VWA3A: variants seen among roughly 807,000 people sequenced by gnomAD.
The protein encoded by VWA3A is von Willebrand factor A domain containing 3A.
Under a neutral mutation model 160.4 loss-of-function variants are expected in VWA3A, and 134 were observed. That is an observed-to-expected ratio of 0.84 (90% CI 0.73 to 0.96). The LOEUF is 0.96. Among genes scored for constraint, VWA3A ranks in the 40% least tolerant of loss-of-function variants. The probability of loss-of-function intolerance (pLI) is 0.00; values close to 1 mark genes in which losing one functional copy is unlikely to be tolerated. For synonymous variants in VWA3A, 476 were observed against 543.4 expected, an observed-to-expected ratio of 0.88 and a Z score of 1.72; for missense variants, 1,310 against 1,447.9, an observed-to-expected ratio of 0.90 and a Z score of 1.55.
chr16:22,100,150 C>G, intron 3 of VWA3A, 44 bp from the exon 4 acceptor site: 1 of 1,503,704 alleles, frequency 6.7e-7, no homozygotes, highest in Admixed American at 2.3e-5. Flanking sequence ...TCTTCCTTCC[C>G]TCTCTTTCCA....
intron 6 of VWA3A, among the ~76,000 whole-genome samples, chr16:22,103,818 C>T (rs1000597121): frequency 2.6e-5 from 4 of 152,160 alleles, no homozygotes; most frequent in African/African-American, 9.7e-5. Context: ...AGGAACTTCA[C>T]TTCCTGTTCC....
chr16:22,121,727 C>T, intron 14 of VWA3A, 110 bp downstream of exon 14: 1 of 816,842 alleles, frequency 1.2e-6, no homozygotes, highest in South Asian at 1.6e-5. Context: ...TTCAGGCTTC[C>T]CACCCAGGAC....
intron 11 of VWA3A, among the ~76,000 whole-genome samples, chr16:22,118,627 C>A (rs534273938): frequency 6.6e-6 from 1 of 151,556 alleles, no homozygotes; most frequent in African/African-American, 2.4e-5. Flanking sequence ...CGGAGCTTGC[C>A]GTGAGCCGAT....
At chr16:22,116,531 C>T (rs947481389) in intron 9 of VWA3A, among the ~76,000 whole-genome samples, 2 of 152,142 alleles carry the variant, frequency 1.3e-5, no homozygotes, top group Admixed American at 6.5e-5. Flanking sequence ...ACTCTTCACA[C>T]ACACACGAGG....
intron 17 of VWA3A, 101 bp from the exon 18 acceptor site, chr16:22,131,104 A>T (rs2045938396): frequency 9.7e-7 from 1 of 1,026,256 alleles, no homozygotes; most frequent in East Asian, 2.6e-5. Flanking sequence ...AGGGGATCTC[A>T]TCAGAATTTT....
intron 7 of VWA3A, 21 bp downstream of exon 7, chr16:22,109,601 G>A (rs2045526036): frequency 6.2e-7 from 1 of 1,604,276 alleles, no homozygotes. Flanking sequence ...CTGGCACAGA[G>A]AAACACCTGG....
chr16:22,097,657 T>C lies in VWA3A; in HGVS notation c.187T>C (p.Leu63=), dbSNP rs1307097727. ...ACTTGGGCAAAATTCGGACAATGGA[T>C]TATTGGTTACACATGTTAACCAGAC... is the stretch of plus-strand genomic sequence containing the variant. ...NGLGQNSDNG[L]LVTHVNQTQD... Residue 63 remains leucine (L), a synonymous_variant, in exon 3 of 34, where the codon TTA becomes CTA. Transcript: ENST00000389398. 2 of 1,551,714 alleles carry C rather than the reference T, an allele frequency of 1.3e-6. No homozygotes were observed. Among genetic ancestry groups the C allele is most frequent in the South Asian group, 2.4e-5 (2 of 84,052 alleles).
chr16:22,098,696 T>C (rs187667260), intron 3 of VWA3A, among the ~76,000 whole-genome samples: 2 of 152,218 alleles, frequency 1.3e-5, no homozygotes, highest in East Asian at 3.9e-4. Context: ...TAGTGTATCT[T>C]CAAGTATGAA....
At chr16:22,100,857 A>G (rs1407902749) in intron 5 of VWA3A, among the ~76,000 whole-genome samples, 1 of 147,622 alleles carries the variant, frequency 6.8e-6, no homozygotes, top group Non-Finnish European at 1.5e-5. Context: ...AAAAAAAAAG[A>G]AAGGAAAAAG....
At position 22,144,294 on chromosome 16, in the gene VWA3A, A is replaced by T; in HGVS notation, c.2640A>T (p.Arg880Ser). The T allele has an allele frequency of 1.2e-6, 2 of 1,613,736 alleles. No individual in the cohort carries two copies. Among genetic ancestry groups the T allele is most frequent in the Non-Finnish European group, 1.7e-6 (2 of 1,179,806 alleles). Residue 880 changes from arginine (R) to serine (S), a missense_variant, in exon 26 of 34, where the codon AGA becomes AGT. Transcript: ENST00000389398. ...AAAAATTGAAGCTGGAGATTTCCAG[A>T]TGCATGGGTCCCAACTGCACTCATC... ...GLKKLKLEIS[R>S]CMGPNCTHQK... is the part of the protein sequence containing the mutation.
At chr16:22,106,680 G>T (rs1201062561) in intron 6 of VWA3A, among the ~76,000 whole-genome samples, 5 of 152,166 alleles carry the variant, frequency 3.3e-5, no homozygotes. Flanking sequence ...AAAGCTGAGG[G>T]CTTTAATAAA....
Position 22,103,476 on chromosome 16 carries a change from A to G in VWA3A, c.430A>G (p.Thr144Ala), listed in dbSNP as rs1227405017. ...IRHFESKLSDTIEVYQERIQW... is the reference protein window; with the variant it reads ...IRHFESKLSDAIEVYQERIQW... ...TGAGTCTTTCTGATGTCTTGACAGC[A>G]CTATTGAAGTCTATCAAGAGAGAAT... The change falls in exon 6 of 34, where the codon ACT (threonine) becomes GCT (alanine). Residue 144 changes from threonine to alanine, a missense_variant and splice_region_variant. By Grantham distance (58) the Thr-to-Ala change is moderately conservative. Transcript: ENST00000389398. 1.9e-6 allele frequency: 3 copies of G among 1,551,636 alleles called. No individual in the cohort carries two copies. The highest frequency in any genetic ancestry group is 2.0e-5 in the Admixed American group (1 of 50,978).
chr16:22,148,091 G>A, intron 27 of VWA3A, 71 bp from the exon 28 acceptor site: 1 of 1,491,288 alleles, frequency 6.7e-7, no homozygotes, highest in Non-Finnish European at 8.9e-7. Flanking sequence ...GATAGATAGA[G>A]TGAGGGAAAC....
intron 29 of VWA3A, 130 bp downstream of exon 29, chr16:22,150,061 T>C: frequency 7.8e-7 from 1 of 1,286,014 alleles, no homozygotes; most frequent in Non-Finnish European, 1.0e-6. Context: ...CATTTCATCT[T>C]CCCAACACCC....
At chr16:22,095,658 A>G (rs1306835348) in intron 1 of VWA3A, among the ~76,000 whole-genome samples, 2 of 152,110 alleles carry the variant, frequency 1.3e-5, no homozygotes, top group African/African-American at 4.8e-5. Flanking sequence ...CCTGGGCTCA[A>G]GCGATCCTCC....
At position 22,110,913 on chromosome 16, in the gene VWA3A, A is replaced by G. The variant is rs1371782681; in HGVS notation, c.608A>G (p.His203Arg). 2 of 1,609,566 alleles carry G rather than the reference A, an allele frequency of 1.2e-6. No homozygotes were observed. The highest frequency in any genetic ancestry group is 2.2e-5 in the South Asian group (2 of 89,718). The change falls in exon 8 of 34, where the codon CAC becomes CGC. Residue 203 changes from histidine (H) to arginine (R), a missense_variant. Physicochemically the swap from His to Arg is conservative, Grantham distance 29 (BLOSUM62 0). Coordinates refer to ENST00000389398, the MANE Select transcript of VWA3A (RefSeq NM_173615.5). Reference protein sequence around the residue: ...LMSLIDEQLSHKEKLFVLSFG... With the variant: ...LMSLIDEQLSRKEKLFVLSFG... ...AGCCTCATCGATGAGCAGCTGAGCC[A>G]CAAGGAGAAGCTGTTTGTCCTGTCC...
chr16:22,155,688 C>A (rs199912918), intron 32 of VWA3A, 24 bp downstream of exon 32: 1 of 1,611,030 alleles, frequency 6.2e-7, no homozygotes, highest in East Asian at 2.2e-5. Flanking sequence ...GCAGCCTCTC[C>A]GGCCTGCCAT....
intron 9 of VWA3A, chr16:22,116,389 AAAG>A (rs759862752): frequency 2.9e-5 from 13 of 449,704 alleles, no homozygotes; most frequent in South Asian, 1.7e-5. Flanking sequence ...AAGAGGAAGG[AAAG>A]AAGGAAGAGA....
At chr16:22,136,260 A>G (rs529420376) in intron 21 of VWA3A, among the ~76,000 whole-genome samples, 2 of 152,164 alleles carry the variant, frequency 1.3e-5, no homozygotes, top group Non-Finnish European at 2.9e-5. Flanking sequence ...AAGAGAAAAC[A>G]TACAAACTGA....
Sources: gnomAD v4.1 joint callset for allele counts (sites outside exome capture counted in the v4.1 genomes callset) on GRCh38, gnomAD v4.1.1 for gene constraint, MANE v1.5 for transcripts, NCBI Gene and HGNC (gene_info 2026-07-23, HGNC 2026-07-21) for gene names.